SUSD4: variants seen among roughly 807,000 people sequenced by gnomAD.
SUSD4 encodes the protein sushi domain-containing protein 4.
In SUSD4, 41 loss-of-function variants were observed where a neutral mutation model predicts 50.5. The observed-to-expected ratio is 0.81, with a 90% CI of 0.63 to 1.05. The LOEUF is 1.05. Among genes scored for constraint, SUSD4 ranks in the 50% least tolerant of loss-of-function variants. The pLI is 0.00. For missense variants in SUSD4, 580 were observed against 634.7 expected (o/e 0.91, Z 0.93); for synonymous variants, 257 against 257.3 (o/e 1.00, Z 0.01).
intron 2 of SUSD4, among the ~76,000 whole-genome samples, chr1:223,361,456 G>C (rs1459442245): frequency 1.3e-5 from 2 of 152,184 alleles, no homozygotes; most frequent in Non-Finnish European, 2.9e-5. Context: ...TCTTCTCCAA[G>C]GCTCTGGATA....
chr1:223,267,200 T>C (rs907400181), intron 4 of SUSD4, among the ~76,000 whole-genome samples: 7 of 152,078 alleles, frequency 4.6e-5, no homozygotes, highest in African/African-American at 1.7e-4. Context: ...AATGACACTT[T>C]GAGAGGCACA....
chr1:223,295,638 G>T (rs140208095), intron 2 of SUSD4, among the ~76,000 whole-genome samples: 1 of 152,204 alleles, frequency 6.6e-6, no homozygotes, highest in African/African-American at 2.4e-5. Context: ...AGGTGGCTCT[G>T]CCAGCTGGGG....
At chr1:223,239,004 T>C (rs1660398536) in intron 5 of SUSD4, among the ~76,000 whole-genome samples, 1 of 152,042 alleles carries the variant, frequency 6.6e-6, no homozygotes, top group Non-Finnish European at 1.5e-5. Flanking sequence ...TCATGTAGTT[T>C]GATGTTCTGT....
intron 3 of SUSD4, among the ~76,000 whole-genome samples, chr1:223,279,747 G>A (rs1663554986): frequency 6.6e-6 from 1 of 152,132 alleles, no homozygotes; most frequent in South Asian, 2.1e-4. Flanking sequence ...ATGCCACAAA[G>A]ATACTCCTCG....
In SUSD4 at chr1:223,255,583, G is replaced by A. The variant is rs190910757; in HGVS notation, c.724+9047C>T. ...GGTCAAAGTTACCTGGGGCTTCCCA[G>A]GGAACTCCCAGGGCCTTAGAGCCTT... On this transcript the variant is annotated intron_variant, in intron 5 of 8. Coordinates refer to ENST00000366878, the MANE Select transcript of SUSD4 (RefSeq NM_017982.4). Among the ~76,000 whole-genome samples the A allele has an allele frequency of 2.8e-4, 43 of 152,286 alleles. 1 individual carries two copies. Among genetic ancestry groups the A allele is most frequent in the Admixed American group, 2.5e-3 (38 of 15,300 alleles).
intron 2 of SUSD4, among the ~76,000 whole-genome samples, chr1:223,350,833 G>T (rs1051842540): frequency 5.9e-5 from 9 of 152,138 alleles, no homozygotes; most frequent in African/African-American, 4.8e-5. Context: ...ATTAGGGTTT[G>T]CTCTCAGTCC....
rs186075971 is a variant in SUSD4 at position 223,332,767 on chromosome 1, G to A, written c.148+30511C>T. The stretch of plus-strand genomic sequence containing the variant: ...GGGGTAAAACTTCCTGCTGAGGCTC[G>A]GAGGTCTAAGGTTTGCTCCTTCTCT... On this transcript the variant is annotated intron_variant, in intron 2 of 8. Coordinates refer to ENST00000366878, the MANE Select transcript of SUSD4 (RefSeq NM_017982.4). The surrounding 1 kb of genome is among the most constrained non-coding windows in gnomAD (Gnocchi z 4.0). Among the ~76,000 whole-genome samples, 14 of 152,224 alleles carry A rather than the reference G, an allele frequency of 9.2e-5. No individual in the cohort carries two copies. Among genetic ancestry groups the A allele is most frequent in the African/African-American group, 2.6e-4 (11 of 41,530 alleles).
intron 3 of SUSD4, among the ~76,000 whole-genome samples, chr1:223,279,164 C>T (rs1663503200): frequency 6.6e-6 from 1 of 152,120 alleles, no homozygotes; most frequent in South Asian, 2.1e-4. Flanking sequence ...AATCAGAGCA[C>T]CTCTCCCCCT....
chr1:223,304,448 C>A (rs1341757417), intron 2 of SUSD4, among the ~76,000 whole-genome samples: 1 of 152,114 alleles, frequency 6.6e-6, no homozygotes, highest in African/African-American at 2.4e-5. Context: ...GGGTCTTGAC[C>A]AGCACCCTTT....
chr1:223,333,944 C>G (rs1667317036), intron 2 of SUSD4, among the ~76,000 whole-genome samples: 1 of 152,104 alleles, frequency 6.6e-6, no homozygotes, highest in Non-Finnish European at 1.5e-5. Context: ...CCCACATTCC[C>G]CTACCTCCTA....
intron 2 of SUSD4, among the ~76,000 whole-genome samples, chr1:223,297,737 T>C (rs1228416902): frequency 6.6e-6 from 1 of 152,218 alleles, no homozygotes; most frequent in African/African-American, 2.4e-5. Context: ...CTGCTCTACT[T>C]AGCGGTCTCC....
chr1:223,362,933 A>ACCC (rs1486193519), intron 2 of SUSD4, among the ~76,000 whole-genome samples: 16 of 66,552 alleles, frequency 2.4e-4, no homozygotes, highest in African/African-American at 8.2e-4. Flanking sequence ...CACTGCCCCC[A>ACCC]CCCCCCACCC....
chr1:223,250,409 A>G (rs552100076), intron 5 of SUSD4, among the ~76,000 whole-genome samples: 8 of 152,318 alleles, frequency 5.3e-5, no homozygotes, highest in South Asian at 2.1e-4. Context: ...CAATCCTAAC[A>G]ACAATTTTGC....
At chr1:223,294,450 A>G (rs540475519) in intron 2 of SUSD4, among the ~76,000 whole-genome samples, 1 of 152,158 alleles carries the variant, frequency 6.6e-6, no homozygotes, top group African/African-American at 2.4e-5. Flanking sequence ...CCCAGCTTTT[A>G]TGTGCTTGTG....
chr1:223,356,214 G>A (rs1034318212), intron 2 of SUSD4, among the ~76,000 whole-genome samples: 8 of 150,192 alleles, frequency 5.3e-5, no homozygotes, highest in African/African-American at 1.7e-4. Context: ...AGGGTAGTAC[G>A]GCATCCTTTT....
intron 3 of SUSD4, among the ~76,000 whole-genome samples, chr1:223,284,731 T>C (rs1664020411): frequency 6.6e-6 from 1 of 152,148 alleles, no homozygotes; most frequent in Non-Finnish European, 1.5e-5. Context: ...CTGGGGGACA[T>C]TATTTTAAGG....
At chr1:223,363,989 A>G (rs1206183595) in intron 1 of SUSD4, 68 bp downstream of exon 1, 1 of 149,852 alleles carries the variant, frequency 6.7e-6, no homozygotes, top group Non-Finnish European at 1.5e-5. Context: ...ACCAGGCACC[A>G]ACTCCCCCTC....
At chr1:223,325,127 A>T (rs538379666) in intron 2 of SUSD4, among the ~76,000 whole-genome samples, 427 of 152,314 alleles carry the variant, frequency 2.8e-3, no homozygotes, top group Non-Finnish European at 4.4e-3. Flanking sequence ...AGTTCTCATT[A>T]TGTAGCTTGG....
At chr1:223,324,679 T>G (rs560393116) in intron 2 of SUSD4, among the ~76,000 whole-genome samples, 1 of 150,602 alleles carries the variant, frequency 6.6e-6, no homozygotes, top group African/African-American at 2.4e-5. Context: ...CCCAGCTTTA[T>G]CTAGTAGGGC....
Sources: gnomAD v4.1 joint callset for allele counts (sites outside exome capture counted in the v4.1 genomes callset) on GRCh38, gnomAD v4.1.1 for gene constraint, Gnocchi (gnomAD v3.1) non-coding constraint, MANE v1.5 for transcripts, NCBI Gene and HGNC (gene_info 2026-07-23, HGNC 2026-07-21) for gene names.